The following GPLD1 variants were observed in gnomAD, a reference collection of about 807,000 sequenced individuals.
GPLD1 encodes the protein glycosylphosphatidylinositol specific phospholipase D1, also known as phosphatidylinositol-glycan-specific phospholipase D.
A neutral mutation model predicts 112.6 loss-of-function variants in GPLD1; 84 were observed. The ratio of observed to expected loss-of-function variants is 0.75; its 90% CI spans 0.63 to 0.89. GPLD1 has a LOEUF of 0.89. Ranked by LOEUF, GPLD1 falls within the 40% of genes least tolerant of loss-of-function variation. GPLD1 has a pLI of 0.00. For synonymous variants in GPLD1, 386 were observed against 403.8 expected (o/e 0.96, Z 0.53); for missense variants, 1,044 against 1,051.5 (o/e 0.99, Z 0.10).
At chr6:24,455,315 G>C (rs7766620) in intron 13 of GPLD1, among the ~76,000 whole-genome samples, 35,932 of 152,090 alleles carry the variant, frequency 0.24, 4,460 homozygotes, top group Non-Finnish European at 0.27. Flanking sequence ...ACACACAAGT[G>C]AACGACCAGT....
intron 13 of GPLD1, among the ~76,000 whole-genome samples, 199 bp downstream of exon 13, chr6:24,456,299 G>A (rs1018097042): frequency 6.6e-6 from 1 of 152,136 alleles, no homozygotes; most frequent in African/African-American, 2.4e-5. Flanking sequence ...CTGGGAAGCT[G>A]AGGCAGAGAA....
chr6:24,479,048 C>T (rs935766983), intron 3 of GPLD1, among the ~76,000 whole-genome samples: 12 of 152,132 alleles, frequency 7.9e-5, no homozygotes, highest in African/African-American at 2.7e-4. Context: ...CTAATGGGTA[C>T]AGTCAGCATA....
chr6:24,493,006 T>G (rs1017533550), upstream of GPLD1, among the ~76,000 whole-genome samples: 3 of 152,194 alleles, frequency 2.0e-5, no homozygotes, highest in East Asian at 5.8e-4. Flanking sequence ...CCTAAAAGTT[T>G]TATGGGCCCT....
intron 2 of GPLD1, among the ~76,000 whole-genome samples, chr6:24,482,173 C>T (rs1276520968): frequency 2.7e-5 from 4 of 147,200 alleles, no homozygotes; most frequent in Non-Finnish European, 5.9e-5. Context: ...GATCTCAGCT[C>T]ACTGTAACCT....
intron 20 of GPLD1, among the ~76,000 whole-genome samples, chr6:24,443,141 G>A (rs1184443205): frequency 2.0e-5 from 3 of 152,164 alleles, no homozygotes; most frequent in Admixed American, 1.3e-4. Flanking sequence ...CTGCTTGAGA[G>A]CGTCATTACA....
At chr6:24,475,253 G>A (rs754673772) in intron 4 of GPLD1, 22 bp from the exon 5 acceptor site, 3 of 1,184,972 alleles carry the variant, frequency 2.5e-6, no homozygotes, top group Non-Finnish European at 3.8e-6. Context: ...GCAAATTAGA[G>A]TCATGTGTGT....
At chr6:24,465,620 C>T (rs1763580291) in intron 10 of GPLD1, among the ~76,000 whole-genome samples, 1 of 152,024 alleles carries the variant, frequency 6.6e-6, no homozygotes, top group East Asian at 1.9e-4. Flanking sequence ...GCCTTGGCTC[C>T]CTCTGATCTA....
At chr6:24,425,392 A>T (rs1383595795), downstream of GPLD1, 2 of 152,274 alleles carry the variant, frequency 1.3e-5, 1 homozygote. Context: ...TTTTTGATGA[A>T]TCATGTCAAT....
intron 13 of GPLD1, 151 bp from the exon 14 acceptor site, chr6:24,454,352 G>A (rs568652365): frequency 1.6e-5 from 8 of 504,388 alleles, no homozygotes; most frequent in Admixed American, 3.8e-5. Flanking sequence ...CACTTCTCAG[G>A]TTGTATTGTT....
At position 24,471,311 on chromosome 6, in the gene GPLD1, A is replaced by G. The variant is rs559735316; in HGVS notation, c.545+1271T>C. Among the ~76,000 whole-genome samples, 4 of 152,308 alleles carry G rather than the reference A, an allele frequency of 2.6e-5. No individual in the cohort carries two copies. In the South Asian group the frequency reaches 8.3e-4, roughly 32 times the overall value. On this transcript the variant is annotated intron_variant, in intron 7 of 24. Coordinates refer to ENST00000230036, the MANE Select transcript of GPLD1 (RefSeq NM_001503.4). Reference sequence around the variant, plus strand: ...GGAGTTCGAGACCAGCCTGGGCAACATGGCAAGACCTCATCTCTTACAAAA... The same window carrying G: ...GGAGTTCGAGACCAGCCTGGGCAACGTGGCAAGACCTCATCTCTTACAAAA...
Position 24,449,891 on chromosome 6 carries a change from A to T in GPLD1, c.1344T>A (p.Gly448=), listed in dbSNP as rs537813349. 9.9e-6 allele frequency: 16 copies of T among 1,612,694 alleles called. No individual in the cohort carries two copies. In the African/African-American group the frequency reaches 2.0e-4, roughly 20 times the overall value. Residue 448 remains glycine (G), a synonymous_variant, in exon 15 of 25, where the codon GGT becomes GGA. Coordinates refer to ENST00000230036, the MANE Select transcript of GPLD1 (RefSeq NM_001503.4). ...ACACAGCCAAGGCCGAGCCAAACCG[A>T]CCTGAGGGCTGAAGAGGCACAAGTT... ...HRILEGFQPS[G]RFGSALAVLD...
chr6:24,480,446 C>T (rs560061050), intron 2 of GPLD1, among the ~76,000 whole-genome samples: 24 of 152,286 alleles, frequency 1.6e-4, no homozygotes, highest in Admixed American at 7.9e-4. Context: ...CCTCAGCCTC[C>T]CAATGTGCTG....
chr6:24,443,548 G>T (rs191845521), intron 20 of GPLD1, among the ~76,000 whole-genome samples: 182 of 152,200 alleles, frequency 1.2e-3, no homozygotes, highest in African/African-American at 4.2e-3. Context: ...GAGTTATCAC[G>T]ACCCTCATTC....
At chr6:24,424,557 A>G (rs932717296), downstream of GPLD1, 5 of 152,208 alleles carry the variant, frequency 3.3e-5, no homozygotes, top group African/African-American at 9.6e-5. Context: ...TAGAACTGTG[A>G]TATCTTCTCA....
rs768564530 is a variant in GPLD1, at chr6:24,456,569, C to T, written c.1077G>A (p.Gln359=). ...NIRTMFIGGS[Q]LSQKHVSSPL... ...GGCTGGAGACGTGCTTTTGTGACAA[C>T]TGAGAGCCACCTATGAACATTGTCC... The change falls in exon 13 of 25, where the codon CAG becomes CAA. Residue 359 remains glutamine (Q), a synonymous_variant. Transcript: ENST00000230036. The T allele has an allele frequency of 8.1e-6, 13 of 1,605,280 alleles. No individual in the cohort carries two copies. Among genetic ancestry groups the T allele is most frequent in the Non-Finnish European group, 1.1e-5 (13 of 1,172,168 alleles).
chr6:24,439,446 C>A (rs992166180), intron 20 of GPLD1, among the ~76,000 whole-genome samples: 1 of 152,176 alleles, frequency 6.6e-6, no homozygotes, highest in Non-Finnish European at 1.5e-5. Flanking sequence ...TTGAAATGCA[C>A]AAGGATGAGG....
At chr6:24,467,589 CAA>C (rs1338287417) in intron 7 of GPLD1, among the ~76,000 whole-genome samples, 1 of 152,030 alleles carries the variant, frequency 6.6e-6, no homozygotes, top group East Asian at 1.9e-4. Flanking sequence ...CTATAACGTA[CAA>C]AAAGAGTGGT....
intron 6 of GPLD1, 189 bp downstream of exon 6, chr6:24,473,430 C>T: frequency 2.4e-6 from 1 of 417,020 alleles, no homozygotes; most frequent in Non-Finnish European, 4.4e-6. Flanking sequence ...TACATATAGA[C>T]ACAAGTTTTT....
Position 24,445,725 on chromosome 6 carries a change from C to G in GPLD1, c.1926+1G>C. ...TCCTGTGTGGGGAGGGCTTGTCATA[C>G]CTTGTCTCCAGAAATGGTAAACCAG... On this transcript the variant is annotated splice_donor_variant, in intron 19 of 24. Transcript: ENST00000230036. LOFTEE classifies it high-confidence loss of function. 1.9e-6 allele frequency: 3 copies of G among 1,611,872 alleles called. No individual in the cohort carries two copies. Among genetic ancestry groups the G allele is most frequent in the Middle Eastern group, 3.3e-4 (2 of 6,050 alleles).
Sources: allele counts gnomAD v4.1 joint callset (sites outside exome capture counted in the v4.1 genomes callset), GRCh38; gene constraint gnomAD v4.1.1; transcripts MANE v1.5; gene names NCBI Gene and HGNC (gene_info 2026-07-23, HGNC 2026-07-21).